RBFOX1: variants seen among roughly 807,000 people sequenced by gnomAD.
RBFOX1 encodes the protein RNA binding protein fox-1 homolog 1.
Under a neutral mutation model 57.7 loss-of-function variants are expected in RBFOX1, and 8 were observed. That is an observed-to-expected ratio of 0.14 (90% CI 0.08 to 0.25). The LOEUF is 0.25. RBFOX1 is among the 10% of genes least tolerant of loss of function. RBFOX1 has a pLI of 1.00. For synonymous variants in RBFOX1, 326 were observed against 222.4 expected (o/e 1.47, Z -4.15); for missense variants, 611 against 548.5 (o/e 1.11, Z -1.14).
At chr16:6,442,430 G>A (rs376036200) in intron 2 of RBFOX1, among the ~76,000 whole-genome samples, 4 of 151,962 alleles carry the variant, frequency 2.6e-5, no homozygotes, top group Admixed American at 6.6e-5. Context: ...GGTGGCACGC[G>A]CCTGTAATCC....
intron 4 of RBFOX1, among the ~76,000 whole-genome samples, chr16:7,367,513 A>C (rs1277405485): frequency 6.6e-6 from 1 of 152,162 alleles, no homozygotes; most frequent in Non-Finnish European, 1.5e-5. Flanking sequence ...CCCTCTGCCT[A>C]TATCATCGTG....
At chr16:6,282,181 C>G (rs905972566) in intron 1 of RBFOX1, among the ~76,000 whole-genome samples, 1 of 152,030 alleles carries the variant, frequency 6.6e-6, no homozygotes, top group African/African-American at 2.4e-5. Context: ...TGGGAAAAAT[C>G]CCAGATTGCG....
chr16:6,750,444 G>A (rs2074705373), intron 3 of RBFOX1, among the ~76,000 whole-genome samples: 1 of 152,176 alleles, frequency 6.6e-6, no homozygotes, highest in Non-Finnish European at 1.5e-5. Flanking sequence ...TATGTTTTCA[G>A]TCTACCAAAA....
chr16:6,235,382 C>G (rs929457809), intron 1 of RBFOX1, among the ~76,000 whole-genome samples: 6 of 152,124 alleles, frequency 3.9e-5, no homozygotes, highest in African/African-American at 7.2e-5. Flanking sequence ...AGCTGTCTGT[C>G]TGTCTGTGTG....
chr16:6,853,020 C>T (rs972864303), intron 3 of RBFOX1, among the ~76,000 whole-genome samples: 1 of 152,158 alleles, frequency 6.6e-6, no homozygotes, highest in Non-Finnish European at 1.5e-5. Context: ...AGAATTGGAA[C>T]AGCTGGTCCC....
intron 4 of RBFOX1, among the ~76,000 whole-genome samples, chr16:7,448,234 G>A (rs1039412234): frequency 2.0e-5 from 3 of 152,194 alleles, no homozygotes; most frequent in Non-Finnish European, 2.9e-5. Flanking sequence ...GTTGGAAGTC[G>A]TAAATCAAGG....
chr16:6,989,988 C>T (rs1040098994), intron 3 of RBFOX1, among the ~76,000 whole-genome samples: 3 of 152,108 alleles, frequency 2.0e-5, no homozygotes, highest in East Asian at 1.9e-4. Flanking sequence ...GTGACAAGAG[C>T]GAGACTCTGT....
At chr16:5,807,520 A>G (rs73512541) in intron 3 of RBFOX1, among the ~76,000 whole-genome samples, 4,148 of 152,272 alleles carry the variant, frequency 0.027, 169 homozygotes, top group African/African-American at 0.093. Context: ...CAGGAAATCA[A>G]TTGGATGCAA....
chr16:7,379,372 T>C (rs954606703), intron 4 of RBFOX1, among the ~76,000 whole-genome samples: 1 of 152,192 alleles, frequency 6.6e-6, no homozygotes, highest in African/African-American at 2.4e-5. Flanking sequence ...ACTTCAGTAA[T>C]AGCCTAATTG....
chr16:6,138,165 A>G (rs965599212), intron 1 of RBFOX1, among the ~76,000 whole-genome samples: 16 of 152,228 alleles, frequency 1.1e-4, no homozygotes, highest in African/African-American at 3.9e-4. Flanking sequence ...AATTAACAGA[A>G]TATGACTTAG....
chr16:6,757,309 A>T (rs1391181462), intron 3 of RBFOX1, among the ~76,000 whole-genome samples: 1 of 152,202 alleles, frequency 6.6e-6, no homozygotes, highest in Non-Finnish European at 1.5e-5. Context: ...ATTTACCCAG[A>T]GGAAAGAAAA....
chr16:6,513,143 A>G (rs802693), intron 2 of RBFOX1, among the ~76,000 whole-genome samples: 23,400 of 152,202 alleles, frequency 0.15, 2,491 homozygotes, highest in East Asian at 0.43. Flanking sequence ...GTGAAATCTT[A>G]GGTAGCTCTC....
At chr16:5,668,496 G>A (rs1311387829) in intron 3 of RBFOX1, among the ~76,000 whole-genome samples, 4 of 152,160 alleles carry the variant, frequency 2.6e-5, no homozygotes, top group Admixed American at 2.6e-4. Flanking sequence ...TGGCACTGCT[G>A]GAAAGTACTT....
chr16:6,716,892 C>G (rs28671380), intron 3 of RBFOX1, among the ~76,000 whole-genome samples: 5,438 of 152,188 alleles, frequency 0.036, 331 homozygotes, highest in African/African-American at 0.12. Context: ...CATGGAAATC[C>G]TAACTCCCAA....
At chr16:6,047,412 T>G (rs1335044478) in intron 1 of RBFOX1, among the ~76,000 whole-genome samples, 1 of 152,184 alleles carries the variant, frequency 6.6e-6, no homozygotes. Flanking sequence ...AAAGATGAGA[T>G]TTCTCTGAAA....
chr16:5,466,143 C>T (rs149913946), intron 1 of RBFOX1, among the ~76,000 whole-genome samples: 7 of 152,306 alleles, frequency 4.6e-5, no homozygotes, highest in East Asian at 1.9e-4. Flanking sequence ...TTCTGGAATA[C>T]GGCAGAAGCG....
At position 6,097,651 on chromosome 16, in the gene RBFOX1, T is replaced by G. The variant is rs60493332; in HGVS notation, c.-127+77659T>G. Among the ~76,000 whole-genome samples the G allele has an allele frequency of 2.5e-4, 38 of 152,262 alleles. No homozygotes were observed. The East Asian group carries it at 6.9e-3, about 28-fold the overall frequency. On this transcript the variant is annotated intron_variant, in intron 1 of 15. Transcript: ENST00000550418. This position sits in a 1 kb window ranked among gnomAD's most constrained non-coding sequence, Gnocchi z 5.0. ...TAGGAGGAAAAGTGATTGACTCAAG[T>G]GCTTAATAAGTGTCTAAGCTAGGAT...
intron 3 of RBFOX1, among the ~76,000 whole-genome samples, chr16:6,733,543 A>G (rs746727553): frequency 2.0e-5 from 3 of 152,176 alleles, no homozygotes; most frequent in Non-Finnish European, 4.4e-5. Flanking sequence ...TTAATAATTA[A>G]TATGTAGCAA....
intron 4 of RBFOX1, among the ~76,000 whole-genome samples, chr16:5,984,257 C>T (rs935275215): frequency 2.1e-5 from 3 of 145,556 alleles, no homozygotes; most frequent in Non-Finnish European, 4.5e-5. Context: ...ATAAAAGTCC[C>T]TATTTCTTTT....
Sources: allele counts gnomAD v4.1 joint callset (sites outside exome capture counted in the v4.1 genomes callset), GRCh38; gene constraint gnomAD v4.1.1; non-coding constraint Gnocchi (gnomAD v3.1); transcripts MANE v1.5; gene names NCBI Gene and HGNC (gene_info 2026-07-23, HGNC 2026-07-21).